Variants in ASAP3 observed in about 807,000 individuals in gnomAD.
ASAP3 encodes ArfGAP with SH3 domain, ankyrin repeat and PH domain 3.
In ASAP3, 85 loss-of-function variants were observed where a neutral mutation model predicts 118.2. That is an observed-to-expected ratio of 0.72 (90% CI 0.60 to 0.86). The LOEUF is 0.86. Among genes scored for constraint, ASAP3 ranks in the 40% least tolerant of loss-of-function variants. The probability of loss-of-function intolerance (pLI) is 0.00; values close to 1 mark genes in which losing one functional copy is unlikely to be tolerated. For missense variants in ASAP3, 1,026 were observed against 1,175.0 expected (o/e 0.87, Z 1.85); for synonymous variants, 432 against 477.4 (o/e 0.90, Z 1.24).
intron 22 of ASAP3, 23 bp from the exon 23 acceptor site, chr1:23,431,941 T>C: frequency 1.2e-6 from 2 of 1,606,742 alleles, no homozygotes; most frequent in Non-Finnish European, 1.7e-6. Context: ...ACATCAGAAA[T>C]GATAAAGCTT....
intron 1 of ASAP3, chr1:23,480,300 T>G (rs1570422747): frequency 6.6e-6 from 1 of 152,086 alleles, no homozygotes; most frequent in African/African-American, 2.4e-5. Flanking sequence ...CTGGAGGGGG[T>G]GTGTCCACTA....
intron 1 of ASAP3, among the ~76,000 whole-genome samples, chr1:23,473,825 G>A (rs1178537559): frequency 6.6e-6 from 1 of 151,898 alleles, no homozygotes; most frequent in Non-Finnish European, 1.5e-5. Context: ...GTGGAGTTGG[G>A]TCCCCAGTCC....
At chr1:23,441,516 T>C (rs866827748) in intron 8 of ASAP3, 43 bp from the exon 9 acceptor site, 8 of 1,610,970 alleles carry the variant, frequency 5.0e-6, no homozygotes, top group South Asian at 2.2e-5. Flanking sequence ...CCAACAAATA[T>C]GTCAGGCACA....
rs114708438 is a variant in ASAP3 at position 23,434,717 on chromosome 1, T to C, written c.1750-99A>G. 6,487 of 1,163,610 alleles carry C rather than the reference T, an allele frequency of 5.6e-3. 231 individuals are homozygous for C. In the African/African-American group the frequency reaches 0.08, roughly 14 times the overall value. 72.1% of individuals were successfully genotyped at this position (1,163,610 alleles called of 1,614,324 possible). On this transcript the variant is annotated intron_variant, in intron 17 of 24. Coordinates refer to ENST00000336689, the MANE Select transcript of ASAP3 (RefSeq NM_017707.4). Reference sequence around the variant, plus strand: ...CTCTTGCTAACCCCTTATCCCCCCATAGGAAGCTGCCAGAACCCTGGAGAG... The same window carrying C: ...CTCTTGCTAACCCCTTATCCCCCCACAGGAAGCTGCCAGAACCCTGGAGAG...
chr1:23,430,174 T>C (rs373489231), intron 24 of ASAP3, among the ~76,000 whole-genome samples: 1 of 152,222 alleles, frequency 6.6e-6, no homozygotes, highest in South Asian at 2.1e-4. Context: ...TGATGGATAC[T>C]TGGTTTTCAG....
Position 23,460,520 on chromosome 1 carries a change from A to C in ASAP3, c.130-4326T>G, listed in dbSNP as rs1320826781. 5.3e-5 allele frequency among the ~76,000 whole-genome samples: 8 copies of C among 151,042 alleles called. No individual in the cohort carries two copies. The East Asian group carries it at 9.6e-4, about 18-fold the overall frequency. On this transcript the variant is annotated intron_variant, in intron 1 of 24. Coordinates refer to ENST00000336689, the MANE Select transcript of ASAP3 (RefSeq NM_017707.4). ...AGACTCCATCTCAAAAAAAAAAAAA[A>C]AAAAAACCAAACAAAAACACACACA...
In ASAP3 at chr1:23,436,572, G is replaced by C; in HGVS notation, c.1559C>G (p.Ala520Gly). The change falls in exon 16 of 25, where the codon GCT (alanine) becomes GGT (glycine). Residue 520 changes from alanine to glycine, a missense_variant. Ala to Gly is a moderately conservative substitution (Grantham distance 60). Coordinates refer to ENST00000336689, the MANE Select transcript of ASAP3 (RefSeq NM_017707.4). This position sits in a 1 kb window ranked among gnomAD's most constrained non-coding sequence, Gnocchi z 4.2. Reference protein sequence around the residue: ...LPSHGGPKPSAESDMGTRRDY... With the variant: ...LPSHGGPKPSGESDMGTRRDY... The stretch of plus-strand genomic sequence containing the variant: ...AGAATCCCCTTACATGTCACTCTCA[G>C]CTGAGGGTTTAGGGCCGCCGTGTGA... 1.2e-6 allele frequency: 2 copies of C among 1,614,206 alleles called. No individual in the cohort carries two copies. Among genetic ancestry groups the C allele is most frequent in the Non-Finnish European group, 1.7e-6 (2 of 1,180,022 alleles).
At chr1:23,473,348 G>A (rs1055108008) in intron 1 of ASAP3, among the ~76,000 whole-genome samples, 1 of 152,158 alleles carries the variant, frequency 6.6e-6, no homozygotes, top group African/African-American at 2.4e-5. Context: ...AGAACCTTCA[G>A]CAGCTGTTCC....
rs2148618984 is a variant in ASAP3 at position 23,442,577 on chromosome 1, A to C, written c.509T>G (p.Val170Gly). ...CACCTCCCCAGGGATCCCTCCTGTC[A>C]CCCTGGCCCGATCGCGCTCCTTCTC... ...KLEKERDRARVTGGIPGEVAQ... is the reference protein window; with the variant it reads ...KLEKERDRARGTGGIPGEVAQ... The change falls in exon 6 of 25, where the codon GTG (valine) becomes GGG (glycine). Residue 170 changes from valine to glycine, a missense_variant. Transcript: ENST00000336689. The C allele has an allele frequency of 2.5e-6, 4 of 1,613,324 alleles. No individual in the cohort carries two copies. Among genetic ancestry groups the C allele is most frequent in the Non-Finnish European group, 3.4e-6 (4 of 1,179,826 alleles).
At chr1:23,454,556 C>T (rs754627576) in intron 3 of ASAP3, among the ~76,000 whole-genome samples, 6 of 149,540 alleles carry the variant, frequency 4.0e-5, no homozygotes, top group Non-Finnish European at 6.0e-5. Flanking sequence ...TGGGCTCAAG[C>T]GATCCACACA....
chr1:23,457,667 C>A lies in ASAP3; in HGVS notation c.130-1473G>T, dbSNP rs138430174. Among the ~76,000 whole-genome samples the A allele has an allele frequency of 5.8e-4, 89 of 152,288 alleles. 1 individual carries two copies. The highest frequency in any genetic ancestry group is 2.1e-3 in the African/African-American group (86 of 41,570). The stretch of plus-strand genomic sequence containing the variant: ...GACTAGCTGGGATTACAGGTGCCCA[C>A]CACCTGGCTAATTTTTTGTATTTTT... On this transcript the variant is annotated intron_variant, in intron 1 of 24. Transcript: ENST00000336689.
At chr1:23,442,063 T>C in intron 7 of ASAP3, 123 bp downstream of exon 7, 1 of 1,039,906 alleles carries the variant, frequency 9.6e-7, no homozygotes, top group Non-Finnish European at 1.4e-6. Context: ...AATGAGGAAC[T>C]ATGAAAGTTC....
intron 1 of ASAP3, among the ~76,000 whole-genome samples, chr1:23,470,859 C>T (rs2148657448): frequency 6.6e-6 from 1 of 152,334 alleles, no homozygotes; most frequent in Non-Finnish European, 1.5e-5. Flanking sequence ...GCTGAGGCCT[C>T]TGCAAACCCC....
chr1:23,474,824 C>T (rs1431364872), intron 1 of ASAP3, among the ~76,000 whole-genome samples: 1 of 152,144 alleles, frequency 6.6e-6, no homozygotes, highest in Admixed American at 6.5e-5. Flanking sequence ...CTCAAGTGGT[C>T]CCCCTGCCTC....
intron 1 of ASAP3, among the ~76,000 whole-genome samples, chr1:23,461,818 G>A (rs190034450): frequency 1.7e-4 from 26 of 152,290 alleles, no homozygotes; most frequent in Admixed American, 1.3e-3. Context: ...TATGGATGGC[G>A]GAGCAACAAG....
At chr1:23,456,979 C>T (rs534594797) in intron 1 of ASAP3, among the ~76,000 whole-genome samples, 5 of 152,362 alleles carry the variant, frequency 3.3e-5, no homozygotes, top group East Asian at 1.9e-4. Flanking sequence ...AGAAGCAAGT[C>T]TCACATGCCC....
At chr1:23,459,707 C>T (rs1199556810) in intron 1 of ASAP3, among the ~76,000 whole-genome samples, 2 of 152,212 alleles carry the variant, frequency 1.3e-5, no homozygotes, top group Admixed American at 6.5e-5. Context: ...TGGTTTCTGG[C>T]AACTTTCCAG....
intron 1 of ASAP3, among the ~76,000 whole-genome samples, chr1:23,459,201 C>T (rs866856451): frequency 1.3e-3 from 180 of 134,502 alleles, no homozygotes; most frequent in African/African-American, 4.5e-3. Context: ...AAGATATGAA[C>T]AATTTCCAAA....
rs1640904332 is a variant in ASAP3 at position 23,442,398 on chromosome 1, C to T, written c.585+103G>A. 14 of 1,587,576 alleles carry T rather than the reference C, an allele frequency of 8.8e-6. No homozygotes were observed. In the East Asian group the frequency reaches 3.2e-4, roughly 36 times the overall value. The stretch of plus-strand genomic sequence containing the variant: ...TGGGCCTTGGTGACATCCCACAGGG[C>T]CATGTGGCCAGGACCTGAGCTGAGG... On this transcript the variant is annotated intron_variant, in intron 6 of 24. Transcript: ENST00000336689.
Sources: allele counts gnomAD v4.1 joint callset (sites outside exome capture counted in the v4.1 genomes callset), GRCh38; gene constraint gnomAD v4.1.1; non-coding constraint Gnocchi (gnomAD v3.1); transcripts MANE v1.5; gene names NCBI Gene and HGNC (gene_info 2026-07-23, HGNC 2026-07-21).